Variants in ESCO1 observed in about 807,000 individuals in gnomAD.
The protein encoded by ESCO1 is N-acetyltransferase ESCO1.
ESCO1 carries 33 observed loss-of-function variants against 83.5 expected under a neutral mutation model. The ratio of observed to expected loss-of-function variants is 0.40; its 90% confidence interval spans 0.30 to 0.53. The LOEUF (loss-of-function observed/expected upper bound fraction) is 0.53. Among genes scored for constraint, ESCO1 ranks in the 20% least tolerant of loss-of-function variants. ESCO1 has a pLI of 0.63. For missense variants in ESCO1, 855 were observed against 968.0 expected, an observed-to-expected ratio of 0.88 and a Z score of 1.55; for synonymous variants, 332 against 324.3, an observed-to-expected ratio of 1.02 and a Z score of -0.25.
Position 21,574,149 on chromosome 18 carries a change from G to C in ESCO1, c.695C>G (p.Thr232Ser). ...CACAGGTTTCGTTTCGTCTCTTCTAGTAGTCTTCTGAGGACACTTTTCAGA... is the reference window on the plus strand; with the variant it reads ...CACAGGTTTCGTTTCGTCTCTTCTACTAGTCTTCTGAGGACACTTTTCAGA... Reference protein sequence around the residue: ...QGSEKCPQKTTRRDETKPVPV... With the variant: ...QGSEKCPQKTSRRDETKPVPV... Residue 232 changes from threonine to serine, a missense_variant, in exon 4 of 12, where the codon ACT becomes AGT. Physicochemically the swap from Thr to Ser is moderately conservative, Grantham distance 58 (BLOSUM62 1). Around this residue, in one of 2 missense-constraint regions of ESCO1, gnomAD observed 726 missense variants for 699.5 expected, o/e 1.04. Transcript: ENST00000269214. 6.2e-7 allele frequency: 1 copy of C among 1,613,796 alleles called. No individual in the cohort carries two copies. Among genetic ancestry groups the C allele is most frequent in the Non-Finnish European group, 8.5e-7 (1 of 1,179,992 alleles).
At chr18:21,554,115 G>A (rs1443227523) in intron 8 of ESCO1, among the ~76,000 whole-genome samples, 1 of 152,116 alleles carries the variant, frequency 6.6e-6, no homozygotes, top group Admixed American at 6.6e-5. Flanking sequence ...CTATTAGAAA[G>A]GCCAAAATCC....
chr18:21,566,056 T>C, intron 6 of ESCO1, 90 bp downstream of exon 6: 2 of 1,153,410 alleles, frequency 1.7e-6, no homozygotes, highest in Non-Finnish European at 2.6e-6. Context: ...AAACTGAGGG[T>C]TACTAGCATA....
Position 21,530,261 on chromosome 18 carries a change from T to C in ESCO1, c.*82A>G. The C allele has an allele frequency of 3.3e-6, 4 of 1,227,352 alleles. No homozygotes were observed. The highest frequency in any genetic ancestry group is 4.3e-6 in the Non-Finnish European group (4 of 925,010). 76.0% of individuals were successfully genotyped at this position (1,227,352 alleles called of 1,614,324 possible). A position where few individuals can be genotyped will look rare whatever the true frequency, so the allele number is the denominator to read the frequency against. On this transcript the variant is annotated 3_prime_UTR_variant, in exon 12 of 12. Coordinates refer to ENST00000269214, the MANE Select transcript of ESCO1 (RefSeq NM_052911.3). Reference sequence around the variant, plus strand: ...AGTCCTGAGTTCATTGTAATAAAAATGGCCCTAGTTCCTGGTTAAAGTCAG... The same window carrying C: ...AGTCCTGAGTTCATTGTAATAAAAACGGCCCTAGTTCCTGGTTAAAGTCAG...
At chr18:21,581,491 A>G (rs1006208035) in intron 2 of ESCO1, among the ~76,000 whole-genome samples, 1 of 151,852 alleles carries the variant, frequency 6.6e-6, no homozygotes, top group Non-Finnish European at 1.5e-5. Flanking sequence ...GGCACCTGTA[A>G]TGCCAGATAC....
At chr18:21,532,760 A>C (rs1391153541) in intron 10 of ESCO1, 100 bp from the exon 11 acceptor site, 1 of 1,110,006 alleles carries the variant, frequency 9.0e-7, no homozygotes, top group Non-Finnish European at 1.3e-6. Flanking sequence ...CTGGCTTAAC[A>C]AACTATGGGG....
Position 21,586,572 on chromosome 18 carries a change from C to G in ESCO1, c.-824-2132G>C, listed in dbSNP as rs573228812. The stretch of plus-strand genomic sequence containing the variant: ...ATGATTCATCACAGTGTACACAAAA[C>G]TAATTTTTGTACATTGATCTTGTGT... On this transcript the variant is annotated intron_variant, in intron 1 of 11. Coordinates refer to ENST00000269214, the MANE Select transcript of ESCO1 (RefSeq NM_052911.3). Among the ~76,000 whole-genome samples the G allele has an allele frequency of 5.9e-5, 9 of 152,226 alleles. 1 individual carries two copies. The highest frequency in any genetic ancestry group is 2.2e-4 in the African/African-American group (9 of 41,534).
intron 11 of ESCO1, among the ~76,000 whole-genome samples, chr18:21,531,980 A>G (rs2037773021): frequency 6.6e-6 from 1 of 151,800 alleles, no homozygotes; most frequent in South Asian, 2.1e-4. Context: ...TCTTTATCAG[A>G]GGTACTTTAT....
chr18:21,540,106 A>G lies in ESCO1; in HGVS notation c.1954-97T>C, dbSNP rs903654358. The G allele has an allele frequency of 2.7e-6, 3 of 1,124,218 alleles. No individual in the cohort carries two copies. In the Admixed American group the frequency reaches 8.3e-5, roughly 31 times the overall value. The allele number at this position is 1,124,218 out of a possible 1,614,324, so 69.6% of individuals were successfully genotyped here. On this transcript the variant is annotated intron_variant, in intron 8 of 11. Transcript: ENST00000269214. ...CACGTACAAGATAAAAAGTACATCA[A>G]TTTGTCTAAAAATTGCAAACATGAA...
At chr18:21,554,317 C>T (rs6508474) in intron 8 of ESCO1, among the ~76,000 whole-genome samples, 152,009 of 152,390 alleles carry the variant, frequency 1, 75,816 homozygotes, top group Non-Finnish European at 1. Context: ...GCTGAAAACA[C>T]GTCCTCACAA....
At chr18:21,569,139 A>C (rs774085227) in intron 4 of ESCO1, among the ~76,000 whole-genome samples, 2 of 152,130 alleles carry the variant, frequency 1.3e-5, no homozygotes, top group Non-Finnish European at 2.9e-5. Flanking sequence ...ACTTTGTCTA[A>C]ATCTCTTTCG....
chr18:21,547,823 GC>G (rs1276729952), intron 8 of ESCO1, among the ~76,000 whole-genome samples: 2 of 152,182 alleles, frequency 1.3e-5, no homozygotes, highest in Non-Finnish European at 2.9e-5. Context: ...AGTATTTCCG[GC>G]CAGGCGCAGT....
intron 4 of ESCO1, among the ~76,000 whole-genome samples, chr18:21,568,861 C>T (rs572820692): frequency 6.6e-6 from 1 of 151,384 alleles, no homozygotes; most frequent in South Asian, 2.1e-4. Flanking sequence ...CAGGATAGTG[C>T]CACTGCACTC....
At position 21,573,384 on chromosome 18, in the gene ESCO1, T is replaced by C. The variant is rs1323525903; in HGVS notation, c.1460A>G (p.Asn487Ser). ...ERAPENCHLANEIKPSDPPLD... is the reference protein window; with the variant it reads ...ERAPENCHLASEIKPSDPPLD... ...TGGTGGGTCAGAAGGTTTTATCTCA[T>C]TGGCCAAATGACAATTTTCAGGAGC... Residue 487 changes from asparagine (N) to serine (S), a missense_variant, in exon 4 of 12, where the codon AAT becomes AGT. Around this residue, in one of 2 missense-constraint regions of ESCO1, gnomAD observed 726 missense variants for 699.5 expected, o/e 1.04. Transcript: ENST00000269214. 1 of 1,607,804 alleles carries C rather than the reference T, an allele frequency of 6.2e-7. No individual in the cohort carries two copies. The highest frequency in any genetic ancestry group is 8.5e-7 in the Non-Finnish European group (1 of 1,178,724).
At chr18:21,572,510 A>G (rs1173662803) in intron 4 of ESCO1, among the ~76,000 whole-genome samples, 1 of 152,134 alleles carries the variant, frequency 6.6e-6, no homozygotes, top group East Asian at 1.9e-4. Context: ...TAGGCTGAAG[A>G]CTGAATTATT....
intron 8 of ESCO1, among the ~76,000 whole-genome samples, chr18:21,553,600 G>A (rs1013070838): frequency 2.6e-5 from 4 of 152,028 alleles, no homozygotes; most frequent in Non-Finnish European, 2.9e-5. Context: ...GCTTATGCCT[G>A]TAATCCCAGC....
chr18:21,576,835 C>T (rs930958931), intron 2 of ESCO1, among the ~76,000 whole-genome samples: 4 of 151,992 alleles, frequency 2.6e-5, no homozygotes, highest in African/African-American at 9.7e-5. Flanking sequence ...GAGTTCAAGA[C>T]CAGCCTGGCC....
At chr18:21,558,394 C>T (rs2038139593) in intron 8 of ESCO1, among the ~76,000 whole-genome samples, 1 of 151,558 alleles carries the variant, frequency 6.6e-6, no homozygotes, top group East Asian at 1.9e-4. Context: ...AAATTTTTAC[C>T]CAAAGAAAAA....
At chr18:21,537,749 T>G (rs1458210394) in intron 9 of ESCO1, among the ~76,000 whole-genome samples, 2 of 152,212 alleles carry the variant, frequency 1.3e-5, no homozygotes, top group Non-Finnish European at 2.9e-5. Flanking sequence ...TGAGGGTTCC[T>G]TCTAAGAAAA....
At chr18:21,537,416 T>A (rs2037850690) in intron 9 of ESCO1, among the ~76,000 whole-genome samples, 2 of 152,170 alleles carry the variant, frequency 1.3e-5, no homozygotes, top group South Asian at 4.1e-4. Flanking sequence ...TTGCCAGTAG[T>A]CCCAGCTACT....
Sources: gnomAD v4.1 joint callset for allele counts (sites outside exome capture counted in the v4.1 genomes callset) on GRCh38, gnomAD v4.1.1 for gene constraint, gnomAD v4.1.1 regional missense constraint, MANE v1.5 for transcripts, NCBI Gene and HGNC (gene_info 2026-07-23, HGNC 2026-07-21) for gene names.